MAF: variants seen among roughly 807,000 people sequenced by gnomAD.
MAF encodes MAF bZIP transcription factor.
Under a neutral mutation model 22.0 loss-of-function variants are expected in MAF, and 10 were observed. The ratio of observed to expected loss-of-function variants is 0.45; its 90% CI spans 0.28 to 0.77. The LOEUF (loss-of-function observed/expected upper bound fraction) is 0.77, where lower values mean the gene tolerates loss of function less well. Among genes scored for constraint, MAF ranks in the 30% least tolerant of loss-of-function variants. The probability of loss-of-function intolerance (pLI) is 0.12; values close to 1 mark genes in which losing one functional copy is unlikely to be tolerated. For synonymous variants in MAF, 337 were observed against 255.8 expected (o/e 1.32, Z -3.03); for missense variants, 544 against 548.4 (o/e 0.99, Z 0.08).
chr16:79,239,773 T>C, the MAF span, among the ~76,000 whole-genome samples: 3 of 152,180 alleles, frequency 2.0e-5, no homozygotes, highest in East Asian at 5.8e-4. Flanking sequence ...TCCAGGCACA[T>C]TGTAGCTGCT....
chr16:79,580,356 C>G, the MAF span, among the ~76,000 whole-genome samples: 1 of 152,150 alleles, frequency 6.6e-6, no homozygotes, highest in African/African-American at 2.4e-5. Flanking sequence ...ATGGAACAGT[C>G]TAAATAACAC....
At chr16:79,458,750 C>T in the MAF span, among the ~76,000 whole-genome samples, 67 of 152,240 alleles carry the variant, frequency 4.4e-4, no homozygotes, top group Middle Eastern at 6.8e-3. Flanking sequence ...AAAAATGTAT[C>T]ATGAAGTACG....
chr16:79,423,141 A>T, the MAF span, among the ~76,000 whole-genome samples: 1 of 152,214 alleles, frequency 6.6e-6, no homozygotes, highest in Non-Finnish European at 1.5e-5. Flanking sequence ...CGTGAGCAAC[A>T]TGTTTTAGAA....
At chr16:79,553,670 G>A in the MAF span, among the ~76,000 whole-genome samples, 1 of 152,208 alleles carries the variant, frequency 6.6e-6, no homozygotes, top group East Asian at 1.9e-4. Context: ...AAGGCTGGAA[G>A]TTCTCAGTGT....
the MAF span, among the ~76,000 whole-genome samples, chr16:79,391,386 A>ATTT: frequency 6.6e-6 from 1 of 152,200 alleles, no homozygotes; most frequent in Non-Finnish European, 1.5e-5. Flanking sequence ...CCGAGTTATG[A>ATTT]GGCCCAAGCA....
chr16:79,247,730 A>C, the MAF span, among the ~76,000 whole-genome samples: 2 of 152,160 alleles, frequency 1.3e-5, no homozygotes, highest in African/African-American at 4.8e-5. Flanking sequence ...AAAAAAATAA[A>C]AGTGGTTTTT....
chr16:79,258,683 C>T, the MAF span, among the ~76,000 whole-genome samples: 1 of 152,186 alleles, frequency 6.6e-6, no homozygotes, highest in East Asian at 1.9e-4. Context: ...GGATCAGGCT[C>T]AGCAGAGCTG....
the MAF span, among the ~76,000 whole-genome samples, chr16:79,290,084 C>A: frequency 1.3e-5 from 2 of 152,040 alleles, no homozygotes; most frequent in African/African-American, 4.8e-5. Context: ...GTCTCTATCT[C>A]TTGACCTTGT....
At chr16:79,398,931 G>C in the MAF span, among the ~76,000 whole-genome samples, 2 of 152,208 alleles carry the variant, frequency 1.3e-5, no homozygotes, top group African/African-American at 2.4e-5. Flanking sequence ...CACATGCCTT[G>C]CTCCATTCTG....
At chr16:79,241,713 A>G in the MAF span, among the ~76,000 whole-genome samples, 1 of 152,022 alleles carries the variant, frequency 6.6e-6, no homozygotes, top group Non-Finnish European at 1.5e-5. Context: ...ATACTCCTCG[A>G]GAAGAGCAAC....
At chr16:79,433,267 T>TAAA in the MAF span, among the ~76,000 whole-genome samples, 194 of 139,334 alleles carry the variant, frequency 1.4e-3, 4 homozygotes, top group South Asian at 0.036. Context: ...ATAAGACAAG[T>TAAA]AAAAAAAAAA....
the MAF span, among the ~76,000 whole-genome samples, chr16:79,289,959 C>T: frequency 2.0e-5 from 3 of 150,724 alleles, no homozygotes; most frequent in Non-Finnish European, 4.4e-5. Flanking sequence ...TGGATTCAAG[C>T]GATTCTCCTG....
At chr16:79,373,363 T>A in the MAF span, among the ~76,000 whole-genome samples, 1 of 26,322 alleles carries the variant, frequency 3.8e-5, no homozygotes, top group Admixed American at 5.1e-4. Flanking sequence ...TGGTAGCTTT[T>A]TTTTTTTTTT....
chr16:79,400,318 G>A, the MAF span, among the ~76,000 whole-genome samples: 1 of 152,186 alleles, frequency 6.6e-6, no homozygotes, highest in Admixed American at 6.5e-5. Flanking sequence ...TTCAAATTCT[G>A]ACTACAACTT....
the MAF span, among the ~76,000 whole-genome samples, chr16:79,392,314 A>G: frequency 6.9e-6 from 1 of 144,334 alleles, no homozygotes; most frequent in South Asian, 2.4e-4. Context: ...GGAAGGAGAG[A>G]GAGGGAGGAG....
chr16:79,332,795 G>C, the MAF span, among the ~76,000 whole-genome samples: 13 of 152,200 alleles, frequency 8.5e-5, no homozygotes, highest in African/African-American at 3.1e-4. Context: ...GTGAAGTTAG[G>C]CTTTGAGGGT....
chr16:79,538,679 C>T, the MAF span, among the ~76,000 whole-genome samples: 1 of 151,638 alleles, frequency 6.6e-6, no homozygotes, highest in East Asian at 1.9e-4. Context: ...GAGAAATCAC[C>T]TGGGAACATG....
At chr16:79,455,489 G>A in the MAF span, among the ~76,000 whole-genome samples, 11 of 152,016 alleles carry the variant, frequency 7.2e-5, no homozygotes, top group Non-Finnish European at 1.3e-4. Context: ...ATTGAGAAGC[G>A]CACAAATGGC....
the MAF span, among the ~76,000 whole-genome samples, chr16:79,328,103 G>A: frequency 6.6e-6 from 1 of 152,252 alleles, no homozygotes; most frequent in South Asian, 2.1e-4. Context: ...TTTCATCCCT[G>A]CAGCATGCAT....
Sources: gnomAD v4.1 joint callset for allele counts (sites outside exome capture counted in the v4.1 genomes callset) on GRCh38, gnomAD v4.1.1 for gene constraint, MANE v1.5 for transcripts, NCBI Gene and HGNC (gene_info 2026-07-23, HGNC 2026-07-21) for gene names.